Variants in ABCC9 observed in about 807,000 individuals in gnomAD.
ABCC9 encodes the protein ATP binding cassette subfamily C member 9.
Under a neutral mutation model 188.3 loss-of-function variants are expected in ABCC9, and 95 were observed. That is an observed-to-expected ratio of 0.50 (90% CI 0.43 to 0.60). ABCC9 has a LOEUF of 0.60. Among genes scored for constraint, ABCC9 ranks in the 20% least tolerant of loss-of-function variants. The pLI is 0.00. For missense variants in ABCC9, 1,102 were observed against 1,876.3 expected, an observed-to-expected ratio of 0.59 and a Z score of 7.62; for synonymous variants, 659 against 652.7, an observed-to-expected ratio of 1.01 and a Z score of -0.15.
chr12:21,884,638 A>T (rs1040249693), intron 15 of ABCC9, among the ~76,000 whole-genome samples: 1 of 152,222 alleles, frequency 6.6e-6, no homozygotes, highest in African/African-American at 2.4e-5. Context: ...CAACTGGTGT[A>T]TCAAGAGAAC....
chr12:21,913,466 T>C (rs577139995), intron 7 of ABCC9, among the ~76,000 whole-genome samples: 1 of 152,248 alleles, frequency 6.6e-6, no homozygotes, highest in South Asian at 2.1e-4. Context: ...AGCACAAACA[T>C]CAAGGTTATA....
intron 16 of ABCC9, among the ~76,000 whole-genome samples, chr12:21,877,241 G>T (rs1946405863): frequency 6.6e-6 from 1 of 152,186 alleles, no homozygotes; most frequent in Non-Finnish European, 1.5e-5. Context: ...CAGTACCAAA[G>T]AGAGGGGACA....
At chr12:21,896,097 TTAC>T (rs757317701) in intron 12 of ABCC9, among the ~76,000 whole-genome samples, 2 of 31,968 alleles carry the variant, frequency 6.3e-5, no homozygotes, top group Non-Finnish European at 1.7e-4. Flanking sequence ...TTTTTTTTTT[TTAC>T]TTTTCTTTTT....
chr12:21,913,074 A>G lies in ABCC9; in HGVS notation c.817-8T>C. 1 of 1,588,898 alleles carries G rather than the reference A, an allele frequency of 6.3e-7. No homozygotes were observed. Among genetic ancestry groups the G allele is most frequent in the Non-Finnish European group, 8.5e-7 (1 of 1,169,972 alleles). On this transcript the variant is annotated splice_polypyrimidine_tract_variant and splice_region_variant and intron_variant, in intron 7 of 39. Coordinates refer to ENST00000261200, the MANE Select transcript of ABCC9 (RefSeq NM_020297.4). ...ATGATCTGCAACTTTTTTCTGAAGAAAAAAAAAAGAAAAAAAAAACAGATG... is the reference window on the plus strand; with the variant it reads ...ATGATCTGCAACTTTTTTCTGAAGAGAAAAAAAAGAAAAAAAAAACAGATG...
At chr12:21,818,826 GTATTAGGTTGATGCAA>G (rs1277608657) in intron 31 of ABCC9, among the ~76,000 whole-genome samples, 1 of 151,662 alleles carries the variant, frequency 6.6e-6, no homozygotes, top group Non-Finnish European at 1.5e-5. Flanking sequence ...GTTGGGATTT[GTATTAGGTTGATGCAA>G]CAGTAATAGC....
rs886577699 is a variant in ABCC9, at chr12:21,848,173, G to T, written c.2843C>A (p.Ala948Asp). 1.9e-6 allele frequency: 3 copies of T among 1,613,530 alleles called. No homozygotes were observed. Among genetic ancestry groups the T allele is most frequent in the Non-Finnish European group, 2.5e-6 (3 of 1,179,606 alleles). Residue 948 changes from alanine to aspartate, a missense_variant, in exon 25 of 40, where the codon GCC becomes GAC. This residue lies in a region of ABCC9 where 131 missense variants were observed against 170.2 expected (regional missense o/e 0.77). Transcript: ENST00000261200. ...ACCTTCGTCTTCGTCCTCCATCTGG[G>T]CTTTGGCTTCTCTTGAATACATGGC... ...RRAMYSREAK[A>D]QMEDEDEEEE...
intron 31 of ABCC9, among the ~76,000 whole-genome samples, chr12:21,818,907 C>T (rs1053547540): frequency 6.6e-6 from 1 of 152,060 alleles, no homozygotes; most frequent in Non-Finnish European, 1.5e-5. Context: ...TGTCAACTAC[C>T]TGGCTCAGAG....
chr12:21,920,165 C>G lies in ABCC9; in HGVS notation c.407-3062G>C, dbSNP rs73262190. Among the ~76,000 whole-genome samples, 1,375 of 151,958 alleles carry G rather than the reference C, an allele frequency of 9.0e-3. 26 individuals carry two copies. The highest frequency in any genetic ancestry group is 0.032 in the African/African-American group (1,310 of 41,474). On this transcript the variant is annotated intron_variant, in intron 5 of 39. Transcript: ENST00000261200. ...AATTATGAAAGACTGACCATTTTCC[C>G]CTAAAATCAGGAACCAGAGAGGATT...
intron 14 of ABCC9, among the ~76,000 whole-genome samples, chr12:21,891,791 A>T (rs532249867): frequency 1.3e-5 from 2 of 152,310 alleles, no homozygotes; most frequent in Non-Finnish European, 2.9e-5. Context: ...AGGAGATTTC[A>T]AAATCAGCTG....
chr12:21,912,811 G>A, intron 8 of ABCC9, 61 bp downstream of exon 8: 1 of 1,546,258 alleles, frequency 6.5e-7, no homozygotes, highest in Non-Finnish European at 8.9e-7. Context: ...TTAATAAAAA[G>A]TGACAATTAC....
At position 21,940,711 on chromosome 12, in the gene ABCC9, T is replaced by C. The variant is rs766765272; in HGVS notation, c.-22A>G. On this transcript the variant is annotated splice_region_variant and 5_prime_UTR_variant, in exon 2 of 40. Transcript: ENST00000261200. Reference sequence around the variant, plus strand: ...ACAAATAAAGCAAAAAATAAATACCTTGGGCAATAGCTTCACGCTGCTTCA... The same window carrying C: ...ACAAATAAAGCAAAAAATAAATACCCTGGGCAATAGCTTCACGCTGCTTCA... 12 of 152,158 alleles carry C rather than the reference T, an allele frequency of 7.9e-5. No homozygotes were observed. The highest frequency in any genetic ancestry group is 1.6e-4 in the Non-Finnish European group (11 of 68,036). 9.4% of individuals were successfully genotyped at this position (152,158 alleles called of 1,614,324 possible).
Position 21,884,542 on chromosome 12 carries a change from C to T in ABCC9, c.1912-1669G>A, listed in dbSNP as rs191385570. ...CTGCAGGTTTAGCTTTTTGAAAAAT[C>T]CATTGGGTTTTACTATGGGAATTAG... On this transcript the variant is annotated intron_variant, in intron 15 of 39. Transcript: ENST00000261200. 8.8e-4 allele frequency among the ~76,000 whole-genome samples: 134 copies of T among 152,140 alleles called. 3 individuals carry two copies. Among genetic ancestry groups the T allele is most frequent in the African/African-American group, 3.2e-3 (131 of 41,486 alleles).
At chr12:21,825,955 G>T (rs1275788409) in intron 31 of ABCC9, among the ~76,000 whole-genome samples, 1 of 152,118 alleles carries the variant, frequency 6.6e-6, no homozygotes, top group African/African-American at 2.4e-5. Context: ...GAGGAAGGGA[G>T]GGGAAAGATA....
At chr12:21,931,240 G>T (rs1161547018) in intron 4 of ABCC9, among the ~76,000 whole-genome samples, 11 of 152,030 alleles carry the variant, frequency 7.2e-5, no homozygotes, top group Admixed American at 7.2e-4. Context: ...AGATCTGATG[G>T]TTTTTTAAGG....
chr12:21,860,340 C>T (rs1474545890), intron 21 of ABCC9, among the ~76,000 whole-genome samples: 2 of 152,182 alleles, frequency 1.3e-5, no homozygotes, highest in African/African-American at 4.8e-5. Context: ...TACACCACTA[C>T]CTTGGCAACT....
intron 24 of ABCC9, among the ~76,000 whole-genome samples, chr12:21,848,971 G>A (rs770858822): frequency 5.9e-5 from 9 of 152,140 alleles, no homozygotes; most frequent in Non-Finnish European, 1.3e-4. Context: ...TCCATGCCCT[G>A]CTTCCAACAC....
At position 21,906,109 on chromosome 12, in the gene ABCC9, G is replaced by C; in HGVS notation, c.1618+17C>G. 6.2e-7 allele frequency: 1 copy of C among 1,612,202 alleles called. No individual in the cohort carries two copies. Among genetic ancestry groups the C allele is most frequent in the Non-Finnish European group, 8.5e-7 (1 of 1,178,628 alleles). ...TTGCCCTTAAAGTCGCCTGTTCTTA[G>C]AGCAACAGCAACTTACTGGAGAGTG... On this transcript the variant is annotated intron_variant, in intron 12 of 39. Transcript: ENST00000261200.
intron 12 of ABCC9, among the ~76,000 whole-genome samples, chr12:21,902,747 A>G (rs1947828717): frequency 1.3e-5 from 2 of 152,230 alleles, no homozygotes; most frequent in South Asian, 4.1e-4. Flanking sequence ...ACCAGGAAGA[A>G]GTTGAATCCC....
chr12:21,898,734 G>T (rs1947558276), intron 12 of ABCC9, among the ~76,000 whole-genome samples: 1 of 152,110 alleles, frequency 6.6e-6, no homozygotes, highest in Admixed American at 6.5e-5. Flanking sequence ...CTAAGTTTGT[G>T]TAAAGTATAC....
Sources: gnomAD v4.1 joint callset for allele counts (sites outside exome capture counted in the v4.1 genomes callset) on GRCh38, gnomAD v4.1.1 for gene constraint, gnomAD v4.1.1 regional missense constraint, MANE v1.5 for transcripts, NCBI Gene and HGNC (gene_info 2026-07-23, HGNC 2026-07-21) for gene names.